Variants in LIPH observed in about 807,000 individuals in gnomAD.
LIPH encodes the protein lipase H.
Under a neutral mutation model 47.6 loss-of-function variants are expected in LIPH, and 32 were observed. The observed-to-expected ratio is 0.67, with a 90% confidence interval of 0.51 to 0.90. The LOEUF is 0.90. Ranked by LOEUF, LIPH falls within the 40% of genes least tolerant of loss-of-function variation. The probability of loss-of-function intolerance (pLI) is 0.00; values close to 1 mark genes in which losing one functional copy is unlikely to be tolerated. For synonymous variants in LIPH, 190 were observed against 195.6 expected (o/e 0.97, Z 0.24); for missense variants, 497 against 541.4 (o/e 0.92, Z 0.81).
At chr3:185,539,447 G>A (rs1720632931) in intron 1 of LIPH, among the ~76,000 whole-genome samples, 2 of 130,892 alleles carry the variant, frequency 1.5e-5, no homozygotes, top group African/African-American at 5.6e-5. Flanking sequence ...TTGGATGACT[G>A]CAACATCGGC....
At chr3:185,517,305 G>T in intron 6 of LIPH, 143 bp from the exon 7 acceptor site, 2 of 642,546 alleles carry the variant, frequency 3.1e-6, no homozygotes, top group Non-Finnish European at 5.6e-6. Context: ...CATGGTGAGG[G>T]CCTGCAGGGT....
intron 8 of LIPH, among the ~76,000 whole-genome samples, chr3:185,512,390 C>T (rs1035438030): frequency 6.6e-6 from 1 of 151,948 alleles, no homozygotes; most frequent in African/African-American, 2.4e-5. Flanking sequence ...AGGCATATCA[C>T]TGGAGAGGTT....
At chr3:185,546,950 C>G (rs35655024) in intron 1 of LIPH, 8 of 447,172 alleles carry the variant, frequency 1.8e-5, no homozygotes, top group Non-Finnish European at 3.1e-5. Flanking sequence ...GAGGAGACTC[C>G]TCATTCATAT....
At chr3:185,518,301 C>T (rs367678365) in intron 6 of LIPH, among the ~76,000 whole-genome samples, 17 of 152,030 alleles carry the variant, frequency 1.1e-4, no homozygotes, top group East Asian at 3.9e-4. Context: ...CTTTTTGAGA[C>T]GGAGTTTCAC....
chr3:185,540,577 G>C (rs538846259), intron 1 of LIPH, among the ~76,000 whole-genome samples: 17 of 152,142 alleles, frequency 1.1e-4, no homozygotes, highest in African/African-American at 4.1e-4. Flanking sequence ...AATTAGCCAG[G>C]CATGGTGGCG....
intron 1 of LIPH, among the ~76,000 whole-genome samples, chr3:185,549,460 C>T (rs978632659): frequency 3.3e-5 from 5 of 152,176 alleles, no homozygotes; most frequent in Admixed American, 1.3e-4. Flanking sequence ...TGGCATTAAA[C>T]AATTTTTTCT....
Position 185,506,334 on chromosome 3 carries a change from T to A in LIPH, c.*2456A>T, listed in dbSNP as rs1388971898. ...TTACTGAAATTCATCTCCTCTCCGGTGAACAAACTTCCTTTCTTTATCCAT... is the reference window on the plus strand; with the variant it reads ...TTACTGAAATTCATCTCCTCTCCGGAGAACAAACTTCCTTTCTTTATCCAT... On this transcript the variant is annotated 3_prime_UTR_variant, in exon 10 of 10. Transcript: ENST00000296252. 2.6e-5 allele frequency: 4 copies of A among 152,186 alleles called. No homozygotes were observed. Among genetic ancestry groups the A allele is most frequent in the Non-Finnish European group, 5.9e-5 (4 of 68,040 alleles). 9.4% of individuals were successfully genotyped at this position (152,186 alleles called of 1,614,324 possible).
chr3:185,529,906 AAAAGAAAGAAAGAAAGAAAG>A (rs1180211034), intron 3 of LIPH, among the ~76,000 whole-genome samples: 13 of 122,602 alleles, frequency 1.1e-4, no homozygotes, highest in African/African-American at 2.3e-4. Flanking sequence ...AGAGAGAAAG[AAAAGAAAGAAAGAAAGAAAG>A]AAAGAAAGAA....
At chr3:185,533,328 A>C (rs183175238) in intron 3 of LIPH, among the ~76,000 whole-genome samples, 6 of 152,318 alleles carry the variant, frequency 3.9e-5, no homozygotes. Context: ...AATAGAAATA[A>C]AGTCACTACT....
At chr3:185,537,635 G>T (rs1720543264) in intron 1 of LIPH, among the ~76,000 whole-genome samples, 1 of 152,024 alleles carries the variant, frequency 6.6e-6, no homozygotes, top group African/African-American at 2.4e-5. Context: ...AGTAAGGCTG[G>T]GTTTTGTTCC....
At position 185,552,521 on chromosome 3, in the gene LIPH, G is replaced by A. The variant is rs748224598; in HGVS notation, c.-50C>T. On this transcript the variant is annotated 5_prime_UTR_variant, in exon 1 of 10. Transcript: ENST00000296252. The stretch of plus-strand genomic sequence containing the variant: ...CACATTCACAAGAATGATTTACTTC[G>A]CAGAGGCTTAAGAGTTTCCACTGTG... 7 of 1,309,924 alleles carry A rather than the reference G, an allele frequency of 5.3e-6. No homozygotes were observed. The East Asian group carries it at 9.2e-5, about 17-fold the overall frequency. The allele number at this position is 1,309,924 out of a possible 1,614,324, so 81.1% of individuals were successfully genotyped here. A position where few individuals can be genotyped will look rare whatever the true frequency, so the allele number is the denominator to read the frequency against.
At position 185,506,830 on chromosome 3, in the gene LIPH, TAAAAAAAAAAAA is replaced by T. The variant is rs58962402; in HGVS notation, c.*1948_*1959del. On this transcript the variant is annotated 3_prime_UTR_variant, in exon 10 of 10. Coordinates refer to ENST00000296252, the MANE Select transcript of LIPH (RefSeq NM_139248.3). ...CTGGGTAACAGAAGGAGACTCCATC[TAAAAAAAAAAAA>T]AAAAAAAAAAAAAAAAAACCAGGGC... 4.0e-5 allele frequency: 2 copies of T among 50,100 alleles called. No individual in the cohort carries two copies. Among genetic ancestry groups the T allele is most frequent in the Non-Finnish European group, 6.8e-5 (2 of 29,628 alleles). 3.1% of individuals were successfully genotyped at this position (50,100 alleles called of 1,614,324 possible).
At chr3:185,548,385 C>A (rs1183157056) in intron 1 of LIPH, among the ~76,000 whole-genome samples, 1 of 140,132 alleles carries the variant, frequency 7.1e-6, no homozygotes, top group East Asian at 2.6e-4. Flanking sequence ...AGCCTGGTGA[C>A]AGAGCGAGAC....
At chr3:185,511,817 G>GA in intron 8 of LIPH, 120 bp from the exon 9 acceptor site, 62 of 597,692 alleles carry the variant, frequency 1.0e-4, no homozygotes, top group Non-Finnish European at 1.5e-4. Context: ...TGCACCAGCT[G>GA]ACTTTTTTTT....
Position 185,508,724 on chromosome 3 carries a change from A to T in LIPH, c.*66T>A. ...TCTGCCTTGCAGAAAGGTGAGGTGA[A>T]GCTTTCAAACAGCCTGTGGTTGTAG... On this transcript the variant is annotated 3_prime_UTR_variant, in exon 10 of 10. Transcript: ENST00000296252. The T allele has an allele frequency of 8.5e-7, 1 of 1,172,126 alleles. No homozygotes were observed. The highest frequency in any genetic ancestry group is 1.3e-6 in the Non-Finnish European group (1 of 777,692). The allele number at this position is 1,172,126 out of a possible 1,614,324, so 72.6% of individuals were successfully genotyped here. A position where few individuals can be genotyped will look rare whatever the true frequency, so the allele number is the denominator to read the frequency against.
chr3:185,550,086 A>G (rs1721006455), intron 1 of LIPH, among the ~76,000 whole-genome samples: 1 of 152,184 alleles, frequency 6.6e-6, no homozygotes, highest in Admixed American at 6.5e-5. Flanking sequence ...AATGACTTGT[A>G]TCCTTGGGAT....
rs1719406232 is a variant in LIPH at position 185,507,244 on chromosome 3, T to G, written c.*1546A>C. The G allele has an allele frequency of 6.6e-6, 1 of 151,754 alleles. No individual in the cohort carries two copies. Among genetic ancestry groups the G allele is most frequent in the South Asian group, 2.1e-4 (1 of 4,816 alleles). The allele number at this position is 151,754 out of a possible 1,614,324, so 9.4% of individuals were successfully genotyped here. A position where few individuals can be genotyped will look rare whatever the true frequency, so the allele number is the denominator to read the frequency against. On this transcript the variant is annotated 3_prime_UTR_variant, in exon 10 of 10. Coordinates refer to ENST00000296252, the MANE Select transcript of LIPH (RefSeq NM_139248.3). The stretch of plus-strand genomic sequence containing the variant: ...AAAATTAGCCGGGTGTGGTGGCACA[T>G]GCCTGTAATCCCAGCTACTCAGGAG...
chr3:185,546,969 G>A (rs191540008), intron 1 of LIPH: 6 of 440,818 alleles, frequency 1.4e-5, no homozygotes, highest in Non-Finnish European at 2.2e-5. Context: ...ATCCAAAGAG[G>A]CATCTGTGAA....
chr3:185,519,711 C>A (rs1176930489), intron 5 of LIPH, among the ~76,000 whole-genome samples: 3 of 151,736 alleles, frequency 2.0e-5, no homozygotes, highest in Non-Finnish European at 2.9e-5. Context: ...TGGTGGGCAC[C>A]TGTAGTCCCA....
Sources: allele counts gnomAD v4.1 joint callset (sites outside exome capture counted in the v4.1 genomes callset), GRCh38; gene constraint gnomAD v4.1.1; transcripts MANE v1.5; gene names NCBI Gene and HGNC (gene_info 2026-07-23, HGNC 2026-07-21).